NT5C2: variants seen among roughly 807,000 people sequenced by gnomAD.
The protein encoded by NT5C2 is 5'-nucleotidase, cytosolic II.
NT5C2 carries 58 observed loss-of-function variants against 76.1 expected under a neutral mutation model. The ratio of observed to expected loss-of-function variants is 0.76; its 90% CI spans 0.62 to 0.95. The LOEUF (loss-of-function observed/expected upper bound fraction) is 0.95, where lower values mean the gene tolerates loss of function less well. Ranked by LOEUF, NT5C2 falls within the 40% of genes least tolerant of loss-of-function variation. The probability of loss-of-function intolerance (pLI) is 0.00; values close to 1 mark genes in which losing one functional copy is unlikely to be tolerated. For synonymous variants in NT5C2, 229 were observed against 237.4 expected, an observed-to-expected ratio of 0.96 and a Z score of 0.32; for missense variants, 478 against 690.3, an observed-to-expected ratio of 0.69 and a Z score of 3.45.
intron 1 of NT5C2, among the ~76,000 whole-genome samples, chr10:103,184,157 G>A (rs182803441): frequency 3.3e-5 from 5 of 152,144 alleles, no homozygotes; most frequent in South Asian, 2.1e-4. Flanking sequence ...TCACCGTGTT[G>A]GTTAGGCTGG....
At chr10:103,180,318 C>T (rs2090831743) in intron 2 of NT5C2, among the ~76,000 whole-genome samples, 2 of 152,214 alleles carry the variant, frequency 1.3e-5, no homozygotes, top group African/African-American at 4.8e-5. Flanking sequence ...AAAAAAGGCA[C>T]AAGCACTCTG....
At chr10:103,176,341 G>GC (rs2089938963) in intron 2 of NT5C2, among the ~76,000 whole-genome samples, 1 of 152,082 alleles carries the variant, frequency 6.6e-6, no homozygotes, top group Non-Finnish European at 1.5e-5. Flanking sequence ...CCTCGCCTTG[G>GC]CCCTACCTCC....
intron 14 of NT5C2, 166 bp downstream of exon 14, chr10:103,093,806 C>T (rs150108778): frequency 2.2e-4 from 127 of 565,246 alleles, no homozygotes; most frequent in African/African-American, 2.2e-3. Flanking sequence ...AACAACTGCT[C>T]AAACCCAGAC....
At chr10:103,140,636 A>G (rs1329277481) in intron 3 of NT5C2, among the ~76,000 whole-genome samples, 2 of 152,190 alleles carry the variant, frequency 1.3e-5, no homozygotes, top group Non-Finnish European at 1.5e-5. Flanking sequence ...GGCTGCATCA[A>G]TTTACATTGC....
intron 9 of NT5C2, 88 bp downstream of exon 9, chr10:103,099,838 G>A: frequency 2.5e-6 from 2 of 802,774 alleles, no homozygotes; most frequent in East Asian, 5.2e-5. Flanking sequence ...TTTAAAAAAA[G>A]AAATATTCTG....
chr10:103,149,762 C>T (rs1395686725), intron 3 of NT5C2, among the ~76,000 whole-genome samples: 2 of 151,420 alleles, frequency 1.3e-5, no homozygotes, highest in East Asian at 3.9e-4. Flanking sequence ...GTATACTGTG[C>T]CTATATTGGA....
intron 1 of NT5C2, among the ~76,000 whole-genome samples, chr10:103,190,763 T>C (rs1467224146): frequency 2.6e-5 from 4 of 152,132 alleles, no homozygotes; most frequent in Non-Finnish European, 5.9e-5. Context: ...ATAGTTAGTA[T>C]TTTGTGTTAA....
intron 4 of NT5C2, among the ~76,000 whole-genome samples, chr10:103,135,493 G>T (rs1352284745): frequency 1.3e-5 from 2 of 152,142 alleles, no homozygotes; most frequent in African/African-American, 2.4e-5. Flanking sequence ...ACTTCTTTCT[G>T]GTTGGGCTCG....
At chr10:103,097,928 A>G in intron 10 of NT5C2, 1 of 466,988 alleles carries the variant, frequency 2.1e-6, no homozygotes. Context: ...TCCTTCTCGC[A>G]TAGCAAATAG....
chr10:103,153,284 CACTT>C, intron 3 of NT5C2: 1 of 1,279,716 alleles, frequency 7.8e-7, no homozygotes, highest in Non-Finnish European at 1.0e-6. Context: ...ATAATAAAAT[CACTT>C]ACCCTTCCTT....
At chr10:103,172,569 T>C (rs770423561) in intron 3 of NT5C2, among the ~76,000 whole-genome samples, 22 of 151,398 alleles carry the variant, frequency 1.5e-4, no homozygotes, top group South Asian at 6.2e-4. Context: ...CTCACGGTGG[T>C]TCATACCTGC....
chr10:103,091,598 G>A lies in NT5C2; in HGVS notation c.1177C>T (p.Gln393Ter), dbSNP rs373379361. The change falls in exon 16 of 19, where the codon CAG (glutamine) becomes TAG (stop). Residue 393 changes from glutamine to a stop codon, truncating the protein, a stop_gained. Transcript: ENST00000404739. LOFTEE classifies it high-confidence loss of function. ...TDKSSLFEEL[Q>*]SLDIFLAELY... ...TCAGCCAAGAAAATATCCAAGCTCT[G>A]AAGTTCTTCGAAAAGTGCTAGTTAA... 6.2e-7 allele frequency: 1 copy of A among 1,613,322 alleles called. No homozygotes were observed. The highest frequency in any genetic ancestry group is 1.3e-5 in the African/African-American group (1 of 74,892).
At chr10:103,173,109 A>G (rs991675166) in intron 3 of NT5C2, among the ~76,000 whole-genome samples, 6 of 152,152 alleles carry the variant, frequency 3.9e-5, no homozygotes, top group Non-Finnish European at 8.8e-5. Flanking sequence ...TTGGTCTACC[A>G]AAGTGCTGGG....
intron 9 of NT5C2, 110 bp downstream of exon 9, chr10:103,099,816 G>T (rs1010815483): frequency 6.0e-5 from 41 of 682,554 alleles, no homozygotes; most frequent in Non-Finnish European, 9.5e-5. Context: ...GGGCAAATCT[G>T]TTTTTTCTTT....
chr10:103,143,208 A>C (rs1229556886), intron 3 of NT5C2, among the ~76,000 whole-genome samples: 2 of 152,066 alleles, frequency 1.3e-5, no homozygotes, highest in Non-Finnish European at 2.9e-5. Context: ...TGGATCTCAA[A>C]ACTGCAGTGT....
At chr10:103,143,602 ATTTTTTTTTTT>A (rs67395221) in intron 3 of NT5C2, among the ~76,000 whole-genome samples, 101 of 53,874 alleles carry the variant, frequency 1.9e-3, no homozygotes, top group Admixed American at 3.0e-3. Flanking sequence ...ATGTCCAGCT[ATTTTTTTTTTT>A]TTTTTTTTTT....
At chr10:103,173,812 T>C (rs558149290) in intron 3 of NT5C2, among the ~76,000 whole-genome samples, 1 of 151,358 alleles carries the variant, frequency 6.6e-6, no homozygotes, top group Non-Finnish European at 1.5e-5. Flanking sequence ...ATTTCATTCC[T>C]GGGCTGGGTG....
intron 11 of NT5C2, among the ~76,000 whole-genome samples, chr10:103,096,283 T>G (rs962383302): frequency 2.3e-4 from 35 of 152,208 alleles, no homozygotes; most frequent in Non-Finnish European, 5.1e-4. Flanking sequence ...AGAAAACTAA[T>G]GACTCACACA....
chr10:103,100,105 G>T, intron 8 of NT5C2, 86 bp from the exon 9 acceptor site: 1 of 819,640 alleles, frequency 1.2e-6, no homozygotes, highest in Non-Finnish European at 2.0e-6. Flanking sequence ...GGACCCAAAG[G>T]TTCCATATCA....
Sources: gnomAD v4.1 joint callset for allele counts (sites outside exome capture counted in the v4.1 genomes callset) on GRCh38, gnomAD v4.1.1 for gene constraint, MANE v1.5 for transcripts, NCBI Gene and HGNC (gene_info 2026-07-23, HGNC 2026-07-21) for gene names.